PCP4: variants seen among roughly 807,000 people sequenced by gnomAD.
The protein encoded by PCP4 is Purkinje cell protein 4.
PCP4 carries 8 observed loss-of-function variants against 10.0 expected under a neutral mutation model. That is an observed-to-expected ratio of 0.80 (90% CI 0.47 to 1.45). The LOEUF (loss-of-function observed/expected upper bound fraction) is 1.45. Ranked by LOEUF, PCP4 falls within the 40% of genes most tolerant of loss-of-function variation. The pLI is 0.00. For synonymous variants in PCP4, 21 were observed against 23.0 expected, an observed-to-expected ratio of 0.91 and a Z score of 0.24; for missense variants, 54 against 74.4, an observed-to-expected ratio of 0.73 and a Z score of 1.01.
At chr21:39,897,630 T>C (rs7280220) in intron 1 of PCP4, among the ~76,000 whole-genome samples, 19,043 of 152,146 alleles carry the variant, frequency 0.13, 1,422 homozygotes, top group Middle Eastern at 0.24. Flanking sequence ...TTAAAAGACT[T>C]CATACTTCTA....
intron 2 of PCP4, among the ~76,000 whole-genome samples, chr21:39,909,088 A>G: frequency 6.6e-6 from 1 of 152,198 alleles, no homozygotes; most frequent in Non-Finnish European, 1.5e-5. Context: ...TGTCAAGTAC[A>G]TTCTGAACGT....
chr21:39,881,924 A>G (rs578236201), intron 1 of PCP4, among the ~76,000 whole-genome samples: 17 of 152,284 alleles, frequency 1.1e-4, no homozygotes, highest in African/African-American at 3.8e-4. Context: ...ACCCCCTCAC[A>G]TAGCTGTAAC....
chr21:39,925,932 T>G, intron 2 of PCP4: 1 of 422,450 alleles, frequency 2.4e-6, no homozygotes, highest in Non-Finnish European at 4.8e-6. Flanking sequence ...CCTACCTTTG[T>G]GCCTGCTGAA....
At chr21:39,887,920 A>G (rs1432488695) in intron 1 of PCP4, among the ~76,000 whole-genome samples, 2 of 152,192 alleles carry the variant, frequency 1.3e-5, no homozygotes, top group Non-Finnish European at 2.9e-5. Flanking sequence ...TGTGTGGGGT[A>G]TTAATTGTGC....
chr21:39,885,956 G>A (rs531209029), intron 1 of PCP4, among the ~76,000 whole-genome samples: 1 of 152,348 alleles, frequency 6.6e-6, no homozygotes, highest in East Asian at 1.9e-4. Flanking sequence ...CCATGAGGGA[G>A]AATCTGCTCC....
intron 1 of PCP4, among the ~76,000 whole-genome samples, chr21:39,889,725 G>A (rs577596255): frequency 6.6e-6 from 1 of 152,020 alleles, no homozygotes; most frequent in African/African-American, 2.4e-5. Flanking sequence ...CTCAAACCAA[G>A]TTCTTAGAGT....
At chr21:39,913,250 A>T (rs4143344) in intron 2 of PCP4, among the ~76,000 whole-genome samples, 5 of 110,720 alleles carry the variant, frequency 4.5e-5, no homozygotes, top group African/African-American at 7.1e-5. Context: ...GTGTCATTTT[A>T]AAAAAAGCAA....
At chr21:39,913,371 C>A (rs1017238310) in intron 2 of PCP4, among the ~76,000 whole-genome samples, 2 of 152,126 alleles carry the variant, frequency 1.3e-5, no homozygotes, top group South Asian at 4.1e-4. Context: ...CAGGGCTGGC[C>A]GTCCCTAGAA....
chr21:39,880,148 A>G (rs552276755), intron 1 of PCP4, among the ~76,000 whole-genome samples: 14 of 131,808 alleles, frequency 1.1e-4, no homozygotes, highest in African/African-American at 3.9e-4. Context: ...ATCTATATCT[A>G]TATCTATATC....
At chr21:39,872,782 C>A (rs148119001) in intron 1 of PCP4, among the ~76,000 whole-genome samples, 14 of 152,306 alleles carry the variant, frequency 9.2e-5, no homozygotes, top group African/African-American at 3.4e-4. Context: ...ATAGGCCAGG[C>A]ACCCTCTTCT....
chr21:39,887,638 G>A (rs1299492771), intron 1 of PCP4, among the ~76,000 whole-genome samples: 1 of 152,154 alleles, frequency 6.6e-6, no homozygotes, highest in Non-Finnish European at 1.5e-5. Flanking sequence ...TAATGATCGA[G>A]GTGGCCTCAA....
chr21:39,883,917 G>A lies in PCP4; in HGVS notation c.10-14559G>A, dbSNP rs567854677. Among the ~76,000 whole-genome samples, 41 of 152,252 alleles carry A rather than the reference G, an allele frequency of 2.7e-4. No individual in the cohort carries two copies. The South Asian group carries it at 8.5e-3, about 32-fold the overall frequency. ...GAAACCAAATCCATGCAATGTGAGT[G>A]TTTTTATCTCATTTAGTTCTCACAC... On this transcript the variant is annotated intron_variant, in intron 1 of 2. Transcript: ENST00000328619.
chr21:39,883,434 C>T (rs534293736), intron 1 of PCP4: 1 of 152,316 alleles, frequency 6.6e-6, no homozygotes, highest in African/African-American at 2.4e-5. Context: ...TTCCCTCCTC[C>T]TGTATTTTCC....
chr21:39,905,872 C>T (rs1422806785), intron 2 of PCP4, among the ~76,000 whole-genome samples: 3 of 152,122 alleles, frequency 2.0e-5, no homozygotes, highest in Admixed American at 6.5e-5. Flanking sequence ...CACGGTGAAA[C>T]CCTGTCTCTA....
At chr21:39,874,820 C>G (rs796776713) in intron 1 of PCP4, among the ~76,000 whole-genome samples, 8 of 152,100 alleles carry the variant, frequency 5.3e-5, no homozygotes, top group African/African-American at 1.9e-4. Flanking sequence ...CGGTGAATGG[C>G]TGAAAGTGTG....
rs73215381 is a variant in PCP4, at chr21:39,899,920, C to T, written c.61+1393C>T. Among the ~76,000 whole-genome samples the T allele has an allele frequency of 4.6e-3, 707 of 152,280 alleles. 4 individuals are homozygous for T. Among genetic ancestry groups the T allele is most frequent in the Middle Eastern group, 0.014 (4 of 294 alleles). ...GCGCTGTGAGCCTCCACTGATTTTCCCAGTTCATACATTCGTAGCCATCTG... is the reference window on the plus strand; with the variant it reads ...GCGCTGTGAGCCTCCACTGATTTTCTCAGTTCATACATTCGTAGCCATCTG... On this transcript the variant is annotated intron_variant, in intron 2 of 2. Coordinates refer to ENST00000328619, the MANE Select transcript of PCP4 (RefSeq NM_006198.3).
intron 2 of PCP4, among the ~76,000 whole-genome samples, chr21:39,921,315 A>G (rs2087595696): frequency 6.6e-6 from 1 of 152,342 alleles, no homozygotes; most frequent in East Asian, 1.9e-4. Context: ...GGATGAAAAC[A>G]AGATTTGGAA....
intron 2 of PCP4, among the ~76,000 whole-genome samples, chr21:39,914,877 G>A (rs1216530078): frequency 2.6e-5 from 4 of 152,162 alleles, no homozygotes; most frequent in Non-Finnish European, 4.4e-5. Context: ...AGAAGGTGGT[G>A]AGCACCCTCA....
chr21:39,881,290 A>C (rs1237433323), intron 1 of PCP4, among the ~76,000 whole-genome samples: 3 of 152,188 alleles, frequency 2.0e-5, no homozygotes, highest in East Asian at 3.9e-4. Context: ...CAGCTTCTGA[A>C]GCTTGGGGCA....
Sources: gnomAD v4.1 joint callset for allele counts (sites outside exome capture counted in the v4.1 genomes callset) on GRCh38, gnomAD v4.1.1 for gene constraint, MANE v1.5 for transcripts, NCBI Gene and HGNC (gene_info 2026-07-23, HGNC 2026-07-21) for gene names.